The following WNK3 variants were observed in gnomAD, a reference collection of about 807,000 sequenced individuals.
WNK3 encodes WNK lysine deficient protein kinase 3.
A neutral mutation model predicts 116.7 loss-of-function variants in WNK3; 18 were observed. The ratio of observed to expected loss-of-function variants is 0.15; its 90% CI spans 0.11 to 0.23. WNK3 has a LOEUF of 0.23. WNK3 is among the 10% of genes least tolerant of loss of function. WNK3 has a pLI of 1.00. For synonymous variants in WNK3, 404 were observed against 469.4 expected (o/e 0.86, Z 1.80); for missense variants, 993 against 1,323.8 (o/e 0.75, Z 3.88).
intron 22 of WNK3, among the ~76,000 whole-genome samples, chrX:54,208,148 G>A (rs188794107): frequency 6.9e-4 from 76 of 109,974 alleles, no homozygotes; most frequent in Non-Finnish European, 1.2e-3. Context: ...TTTTTGAGAT[G>A]GAATCTTGCT....
At chrX:54,217,177 G>A (rs1385221626) in intron 22 of WNK3, among the ~76,000 whole-genome samples, 1 of 109,893 alleles carries the variant, frequency 9.1e-6, no homozygotes, top group African/African-American at 3.3e-5. Flanking sequence ...AATTAGCTGG[G>A]TGTGGTCGTG....
intron 15 of WNK3, 104 bp from the exon 16 acceptor site, chrX:54,250,235 C>T (rs1402653212): frequency 1.3e-6 from 1 of 799,369 alleles, no homozygotes; most frequent in Non-Finnish European, 1.7e-6. Context: ...CTTATATCTC[C>T]ATTTCTAATA....
intron 22 of WNK3, among the ~76,000 whole-genome samples, chrX:54,222,138 C>G (rs781852947): frequency 1.8e-5 from 2 of 111,528 alleles, no homozygotes; most frequent in African/African-American, 6.5e-5. Flanking sequence ...GCCTGGGCGA[C>G]AAGAGCAAAA....
At chrX:54,283,249 G>T (rs2068538295) in intron 10 of WNK3, among the ~76,000 whole-genome samples, 1 of 111,234 alleles carries the variant, frequency 9.0e-6, no homozygotes, top group African/African-American at 3.3e-5. Flanking sequence ...TTCAAAACCA[G>T]CCAGGGCTAT....
chrX:54,339,504 A>C (rs927650544), intron 1 of WNK3, among the ~76,000 whole-genome samples: 1 of 111,915 alleles, frequency 8.9e-6, no homozygotes, highest in Non-Finnish European at 1.9e-5. Context: ...CCTACCAAAA[A>C]TGAATAAATT....
At chrX:54,317,504 G>A in intron 2 of WNK3, among the ~76,000 whole-genome samples, 1 of 110,929 alleles carries the variant, frequency 9.0e-6, no homozygotes, top group East Asian at 2.8e-4. Flanking sequence ...AAATAAACGA[G>A]ACAGGAAAGA....
chrX:54,216,197 CAT>C (rs1387809810), intron 22 of WNK3, among the ~76,000 whole-genome samples: 7 of 109,254 alleles, frequency 6.4e-5, no homozygotes, highest in African/African-American at 2.0e-4. Context: ...CCTTTGTTCA[CAT>C]GTTTATCTGC....
chrX:54,282,867 G>C (rs1241710515), intron 10 of WNK3, among the ~76,000 whole-genome samples: 3 of 111,760 alleles, frequency 2.7e-5, no homozygotes, highest in African/African-American at 9.7e-5. Flanking sequence ...AAAACTCTTA[G>C]AAGAAAATAT....
intron 11 of WNK3, among the ~76,000 whole-genome samples, chrX:54,256,915 C>T (rs2068198471): frequency 8.9e-6 from 1 of 112,223 alleles, no homozygotes; most frequent in African/African-American, 3.2e-5. Context: ...TCCAAAGTTA[C>T]TTAACACATC....
intron 5 of WNK3, among the ~76,000 whole-genome samples, chrX:54,305,019 C>T (rs781989895): frequency 4.0e-4 from 44 of 108,915 alleles, no homozygotes; most frequent in Non-Finnish European, 6.9e-4. Context: ...GGTGTGGAGG[C>T]GCATGCCCGT....
At chrX:54,270,809 A>G (rs1352262813) in intron 10 of WNK3, among the ~76,000 whole-genome samples, 1 of 110,436 alleles carries the variant, frequency 9.1e-6, no homozygotes, top group Non-Finnish European at 1.9e-5. Flanking sequence ...TTCAGCTCCC[A>G]CTTATGAGTG....
chrX:54,311,164 C>T (rs1557169598), exon 3 of WNK3: 2 of 1,197,110 alleles, frequency 1.7e-6, no homozygotes, highest in Admixed American at 2.2e-5. Flanking sequence ...TAATACAATA[C>T]ATTTCTTTCC....
rs1557167848 is a variant in WNK3 at position 54,302,757 on chromosome X, A to ATAT, written c.1090-899_1090-898insATA. Among the ~76,000 whole-genome samples, 264 of 43,396 alleles carry ATAT rather than the reference A, an allele frequency of 6.1e-3. 5 individuals carry two copies. The highest frequency in any genetic ancestry group is 6.9e-3 in the Non-Finnish European group (194 of 28,013). 37.7% of individuals were successfully genotyped at this position (43,396 alleles called of 115,157 possible). A position where few individuals can be genotyped will look rare whatever the true frequency, so the allele number is the denominator to read the frequency against. On this transcript the variant is annotated intron_variant, in intron 5 of 23. Transcript: ENST00000354646. ...TATATATATATATATATATATATAT[A>ATAT]TTTTTTTTTTTTTTTTTATTTTTAA...
chrX:54,265,271 G>C (rs1017160118), intron 10 of WNK3, among the ~76,000 whole-genome samples: 1 of 111,133 alleles, frequency 9.0e-6, no homozygotes, highest in Non-Finnish European at 1.9e-5. Flanking sequence ...CGAATCATTT[G>C]AGGTGAGGAG....
intron 22 of WNK3, among the ~76,000 whole-genome samples, chrX:54,228,389 C>T (rs781860100): frequency 2.7e-5 from 3 of 111,830 alleles, no homozygotes; most frequent in South Asian, 7.4e-4. Context: ...AAGCCAGTCA[C>T]GAAACCACAT....
chrX:54,354,885 A>G, intron 1 of WNK3, among the ~76,000 whole-genome samples: 1 of 109,796 alleles, frequency 9.1e-6, no homozygotes, highest in East Asian at 2.8e-4. Context: ...GGAGTTTGAG[A>G]CCAGCCTGGC....
At chrX:54,345,319 T>C (rs1345424123) in intron 1 of WNK3, among the ~76,000 whole-genome samples, 1 of 110,497 alleles carries the variant, frequency 9.1e-6, no homozygotes, top group Non-Finnish European at 1.9e-5. Flanking sequence ...TGTATGTATG[T>C]ATGTATGTAT....
rs1336161197 is a variant in WNK3, at chrX:54,234,587, G to A, written c.4629-1567C>T. Among the ~76,000 whole-genome samples the A allele has an allele frequency of 2.7e-5, 3 of 111,902 alleles. No individual in the cohort carries two copies. The Admixed American group carries it at 2.9e-4, about 11-fold the overall frequency. On this transcript the variant is annotated intron_variant, in intron 20 of 23. Transcript: ENST00000354646. ...CACGCCTGTAATCCCAGCACTTTGGGAGGCTAAGGCAGGCGGATCACGAGG... is the reference window on the plus strand; with the variant it reads ...CACGCCTGTAATCCCAGCACTTTGGAAGGCTAAGGCAGGCGGATCACGAGG...
chrX:54,310,173 A>G (rs1043205587), intron 3 of WNK3, among the ~76,000 whole-genome samples: 5 of 108,872 alleles, frequency 4.6e-5, no homozygotes, highest in Non-Finnish European at 7.6e-5. Context: ...CTATAATACT[A>G]TAATATCATA....
Sources: allele counts gnomAD v4.1 joint callset (sites outside exome capture counted in the v4.1 genomes callset), GRCh38; gene constraint gnomAD v4.1.1; transcripts MANE v1.5; gene names NCBI Gene and HGNC (gene_info 2026-07-23, HGNC 2026-07-21).